The following SYCP2L variants were observed in gnomAD, a reference collection of about 807,000 sequenced individuals.
SYCP2L encodes synaptonemal complex protein 2 like, also known as synaptonemal complex protein 2-like.
In SYCP2L, 98 loss-of-function variants were observed where a neutral mutation model predicts 125.8. The observed-to-expected ratio is 0.78, with a 90% confidence interval of 0.66 to 0.92. The LOEUF (loss-of-function observed/expected upper bound fraction) is 0.92, where lower values mean the gene tolerates loss of function less well. Ranked by LOEUF, SYCP2L falls within the 40% of genes least tolerant of loss-of-function variation. SYCP2L has a pLI of 0.00. For synonymous variants in SYCP2L, 317 were observed against 325.4 expected (o/e 0.97, Z 0.28); for missense variants, 842 against 936.4 (o/e 0.90, Z 1.32).
chr6:10,963,748 T>A (rs1250048627), intron 28 of SYCP2L, 34 bp from the exon 29 acceptor site: 1 of 1,609,144 alleles, frequency 6.2e-7, no homozygotes, highest in African/African-American at 1.3e-5. Context: ...TTGTCTAATG[T>A]GAATATAATA....
intron 14 of SYCP2L, among the ~76,000 whole-genome samples, chr6:10,917,851 T>A (rs1780717222): frequency 6.6e-6 from 1 of 152,198 alleles, no homozygotes; most frequent in African/African-American, 2.4e-5. Context: ...TAGTGGCAAA[T>A]TCTCTCAGCA....
chr6:10,955,345 T>G, intron 24 of SYCP2L, 128 bp downstream of exon 24: 1 of 590,196 alleles, frequency 1.7e-6, no homozygotes, highest in Non-Finnish European at 3.0e-6. Flanking sequence ...TCCTAAAAAC[T>G]AAGCTTTTGT....
At chr6:10,970,667 C>G (rs1002214188) in intron 29 of SYCP2L, among the ~76,000 whole-genome samples, 1 of 151,914 alleles carries the variant, frequency 6.6e-6, no homozygotes, top group Non-Finnish European at 1.5e-5. Context: ...GTTGATTGGC[C>G]GGGGAAGGAT....
intron 29 of SYCP2L, among the ~76,000 whole-genome samples, chr6:10,972,278 A>G (rs1210653757): frequency 6.6e-6 from 1 of 152,200 alleles, no homozygotes; most frequent in Non-Finnish European, 1.5e-5. Flanking sequence ...CCAAATCAAA[A>G]TAAGACTAAA....
chr6:10,906,425 T>C (rs1175735840), intron 9 of SYCP2L, among the ~76,000 whole-genome samples: 1 of 152,188 alleles, frequency 6.6e-6, no homozygotes, highest in Non-Finnish European at 1.5e-5. Flanking sequence ...ACTTTTACTC[T>C]GTACATCCCT....
chr6:10,889,370 A>G (rs1476560345), intron 1 of SYCP2L, among the ~76,000 whole-genome samples: 2 of 152,244 alleles, frequency 1.3e-5, no homozygotes, highest in Non-Finnish European at 2.9e-5. Flanking sequence ...TGATCAAATC[A>G]GGGTAATTAT....
At chr6:10,891,627 G>GTA in intron 2 of SYCP2L, 46 bp downstream of exon 2, 21 of 392,640 alleles carry the variant, frequency 5.3e-5, no homozygotes, top group Non-Finnish European at 8.4e-5. Context: ...GTGTGTGTGT[G>GTA]TGTGTGTGTG....
chr6:10,927,302 A>G lies in SYCP2L; in HGVS notation c.1375A>G (p.Ile459Val), dbSNP rs1287733343. 6.2e-7 allele frequency: 1 copy of G among 1,614,068 alleles called. No homozygotes were observed. Among genetic ancestry groups the G allele is most frequent in the East Asian group, 2.2e-5 (1 of 44,888 alleles). ...FMSAEDDRCL[I>V]TLHLNDQSEP... Reference sequence around the variant, plus strand: ...GAGTGCTGAAGATGACCGCTGCCTAATAACTCTCCACTTAAATGACCAATC... The same window carrying G: ...GAGTGCTGAAGATGACCGCTGCCTAGTAACTCTCCACTTAAATGACCAATC... The change falls in exon 17 of 30, where the codon ATA becomes GTA. Residue 459 changes from isoleucine (I) to valine (V), a missense_variant. Coordinates refer to ENST00000283141, the MANE Select transcript of SYCP2L (RefSeq NM_001040274.3).
At chr6:10,907,942 A>T (rs1189453311) in intron 10 of SYCP2L, among the ~76,000 whole-genome samples, 1 of 124,340 alleles carries the variant, frequency 8.0e-6, no homozygotes, top group East Asian at 2.4e-4. Flanking sequence ...AGGCTGGAGT[A>T]TAGTGGCGCA....
intron 14 of SYCP2L, among the ~76,000 whole-genome samples, chr6:10,917,822 T>A (rs1780716870): frequency 6.6e-6 from 1 of 152,172 alleles, no homozygotes; most frequent in African/African-American, 2.4e-5. Context: ...TTTTAGCAGT[T>A]CTTGTAGTGG....
At chr6:10,927,519 T>C (rs1231730111) in intron 17 of SYCP2L, 152 bp downstream of exon 17, 1 of 637,466 alleles carries the variant, frequency 1.6e-6, no homozygotes, top group Non-Finnish European at 2.7e-6. Context: ...AACCAGCAAG[T>C]TTTTATTAGG....
intron 21 of SYCP2L, 63 bp downstream of exon 21, chr6:10,935,250 T>G: frequency 1.3e-6 from 2 of 1,520,224 alleles, no homozygotes; most frequent in Non-Finnish European, 1.8e-6. Flanking sequence ...TAGTTTGAAG[T>G]AAACAAAACA....
intron 8 of SYCP2L, among the ~76,000 whole-genome samples, chr6:10,905,742 T>C (rs780160083): frequency 2.6e-5 from 4 of 152,166 alleles, no homozygotes; most frequent in Admixed American, 1.3e-4. Flanking sequence ...GATGAACCCT[T>C]AGAGATCATC....
At chr6:10,920,716 T>C (rs1379978590) in intron 14 of SYCP2L, among the ~76,000 whole-genome samples, 3 of 151,798 alleles carry the variant, frequency 2.0e-5, no homozygotes, top group Admixed American at 2.0e-4. Context: ...GTTTGTTACA[T>C]AGGTAACTTT....
chr6:10,929,697 G>A (rs1284609388), intron 18 of SYCP2L, among the ~76,000 whole-genome samples: 1 of 152,126 alleles, frequency 6.6e-6, no homozygotes, highest in Admixed American at 6.5e-5. Flanking sequence ...CACTTTGGGA[G>A]GCCAAGGTGG....
intron 16 of SYCP2L, among the ~76,000 whole-genome samples, chr6:10,926,843 G>A (rs1004308259): frequency 4.7e-5 from 7 of 149,112 alleles, no homozygotes; most frequent in Admixed American, 2.0e-4. Flanking sequence ...GCAGTGGCAC[G>A]ATCTCGGCTC....
chr6:10,914,055 ACTC>A lies in SYCP2L; in HGVS notation c.1072+1131_1072+1133del, dbSNP rs568728758. On this transcript the variant is annotated intron_variant, in intron 14 of 29. Coordinates refer to ENST00000283141, the MANE Select transcript of SYCP2L (RefSeq NM_001040274.3). The stretch of plus-strand genomic sequence containing the variant: ...TCCCTGTTGGTCAGGCTGGTCTTGA[ACTC>A]CTGATTTCAGGTGATCCGTCCACCT... Among the ~76,000 whole-genome samples, 347 of 150,902 alleles carry A rather than the reference ACTC, an allele frequency of 2.3e-3. 2 individuals carry two copies. The highest frequency in any genetic ancestry group is 6.8e-3 in the Middle Eastern group (2 of 292).
chr6:10,906,011 A>G lies in SYCP2L; in HGVS notation c.642-9A>G. The stretch of plus-strand genomic sequence containing the variant: ...CTTCAGTTAAATGTGATTTATCTAA[A>G]TGTTTCAGGAAAGACCTTGCAAGGA... On this transcript the variant is annotated splice_polypyrimidine_tract_variant and intron_variant, in intron 8 of 29. Transcript: ENST00000283141. 1.9e-6 allele frequency: 3 copies of G among 1,593,424 alleles called. No individual in the cohort carries two copies. The highest frequency in any genetic ancestry group is 2.6e-6 in the Non-Finnish European group (3 of 1,164,366).
At chr6:10,898,577 CATAT>C (rs902181657) in intron 5 of SYCP2L, among the ~76,000 whole-genome samples, 1 of 152,074 alleles carries the variant, frequency 6.6e-6, no homozygotes, top group African/African-American at 2.4e-5. Context: ...TAGTAAGAAA[CATAT>C]ATAACCGATG....
Sources: gnomAD v4.1 joint callset for allele counts (sites outside exome capture counted in the v4.1 genomes callset) on GRCh38, gnomAD v4.1.1 for gene constraint, MANE v1.5 for transcripts, NCBI Gene and HGNC (gene_info 2026-07-23, HGNC 2026-07-21) for gene names.